The following MYO10 variants were observed in gnomAD, a reference collection of about 807,000 sequenced individuals.
The protein encoded by MYO10 is myosin X.
Under a neutral mutation model 257.3 loss-of-function variants are expected in MYO10, and 133 were observed. The observed-to-expected ratio is 0.52, with a 90% CI of 0.45 to 0.60. The LOEUF (loss-of-function observed/expected upper bound fraction) is 0.60. Ranked by LOEUF, MYO10 falls within the 20% of genes least tolerant of loss-of-function variation. The pLI, the probability that MYO10 is intolerant of heterozygous loss-of-function variation, is 0.00. For missense variants in MYO10, 2,399 were observed against 2,635.7 expected (o/e 0.91, Z 1.97); for synonymous variants, 1,104 against 1,028.6 (o/e 1.07, Z -1.40).
intron 4 of MYO10, among the ~76,000 whole-genome samples, chr5:16,792,973 C>G (rs1180187216): frequency 6.6e-6 from 1 of 152,056 alleles, no homozygotes; most frequent in Non-Finnish European, 1.5e-5. Flanking sequence ...TATAATTATT[C>G]TGAGGACGAG....
Position 16,670,966 on chromosome 5 carries a change from C to T in MYO10, c.5443G>A (p.Val1815Ile). 1 of 1,609,156 alleles carries T rather than the reference C, an allele frequency of 6.2e-7. No individual in the cohort carries two copies. The highest frequency in any genetic ancestry group is 8.5e-7 in the Non-Finnish European group (1 of 1,176,122). ...AFMFEQAHEA[V>I]IHGHHPAPEE... ...GGGGCTGGATGGTGGCCATGGATAACCGCTTCGTGGGCCTGAAAGGAGACA... is the reference window on the plus strand; with the variant it reads ...GGGGCTGGATGGTGGCCATGGATAATCGCTTCGTGGGCCTGAAAGGAGACA... The change falls in exon 39 of 41, where the codon GTT becomes ATT. Residue 1815 changes from valine (V) to isoleucine (I), a missense_variant. Around this residue, in one of 3 missense-constraint regions of MYO10, gnomAD observed 1,820 missense variants for 1,939.4 expected, o/e 0.94. Coordinates refer to ENST00000513610, the MANE Select transcript of MYO10 (RefSeq NM_012334.3).
intron 1 of MYO10, among the ~76,000 whole-genome samples, chr5:16,921,569 T>C (rs76627357): frequency 9.3e-5 from 14 of 150,182 alleles, no homozygotes; most frequent in African/African-American, 3.4e-4. Flanking sequence ...CATTTACTAC[T>C]GTGAAAGGCC....
In MYO10 at chr5:16,796,442, CAG is replaced by C. The variant is rs1553997257; in HGVS notation, c.280-1611_280-1610del. Among the ~76,000 whole-genome samples the C allele has an allele frequency of 4.1e-5, 5 of 120,816 alleles. 1 individual carries two copies. In the East Asian group the frequency reaches 8.0e-4, roughly 19 times the overall value. The allele number at this position is 120,816 out of a possible 152,430, so 79.3% of individuals were successfully genotyped here. On this transcript the variant is annotated intron_variant, in intron 3 of 40. Coordinates refer to ENST00000513610, the MANE Select transcript of MYO10 (RefSeq NM_012334.3). ...AAAGGAAAAAGAAAGAAAAGAAAGA[CAG>C]AAAGAAAGAAAGAAAGAAAGAAAGA...
In MYO10 at chr5:16,811,463, C is replaced by T. The variant is rs7733724; in HGVS notation, c.279+6546G>A. Among the ~76,000 whole-genome samples the T allele has an allele frequency of 1.3e-3, 201 of 152,312 alleles. 2 individuals carry two copies. The highest frequency in any genetic ancestry group is 4.5e-3 in the African/African-American group (189 of 41,564). On this transcript the variant is annotated intron_variant, in intron 3 of 40. Coordinates refer to ENST00000513610, the MANE Select transcript of MYO10 (RefSeq NM_012334.3). Reference sequence around the variant, plus strand: ...TTCCATGAGCAAAGACAGCCTTCTCCCGCTGCGATGAGGCCGCATCAAGCT... The same window carrying T: ...TTCCATGAGCAAAGACAGCCTTCTCTCGCTGCGATGAGGCCGCATCAAGCT...
chr5:16,674,417 C>T (rs1736624613), intron 35 of MYO10, among the ~76,000 whole-genome samples: 1 of 152,094 alleles, frequency 6.6e-6, no homozygotes, highest in East Asian at 1.9e-4. Flanking sequence ...TGCAATGAGC[C>T]GAGATCATGC....
chr5:16,725,749 T>C (rs550786311), intron 19 of MYO10, among the ~76,000 whole-genome samples: 1 of 151,452 alleles, frequency 6.6e-6, no homozygotes, highest in South Asian at 2.1e-4. Flanking sequence ...AGTCATATCA[T>C]ACAGCAATTA....
chr5:16,848,777 T>C (rs1011185674), intron 2 of MYO10, among the ~76,000 whole-genome samples: 9 of 151,908 alleles, frequency 5.9e-5, no homozygotes, highest in South Asian at 2.1e-4. Flanking sequence ...GTGGCTATAA[T>C]TGGAAACACT....
intron 1 of MYO10, among the ~76,000 whole-genome samples, chr5:16,923,446 C>T (rs1361828841): frequency 6.6e-6 from 1 of 151,858 alleles, no homozygotes; most frequent in Non-Finnish European, 1.5e-5. Context: ...ACCACCACGC[C>T]CGGCTAATTT....
At chr5:16,792,178 CAGACAG>C (rs141771770) in intron 4 of MYO10, among the ~76,000 whole-genome samples, 20,682 of 144,756 alleles carry the variant, frequency 0.14, 1,717 homozygotes, top group South Asian at 0.27. Context: ...GAGACAGAGA[CAGACAG>C]AGACAGAGAC....
At chr5:16,895,803 C>T (rs547730762) in intron 1 of MYO10, among the ~76,000 whole-genome samples, 1 of 147,572 alleles carries the variant, frequency 6.8e-6, no homozygotes, top group Non-Finnish European at 1.5e-5. Context: ...CACACACACA[C>T]TCTGCCACCT....
intron 4 of MYO10, among the ~76,000 whole-genome samples, chr5:16,792,583 C>CA (rs1741799276): frequency 7.1e-6 from 1 of 140,654 alleles, no homozygotes; most frequent in Non-Finnish European, 1.5e-5. Flanking sequence ...CCCACAGGAG[C>CA]GGGGGGCGGG....
Position 16,662,853 on chromosome 5 carries a change from C to A in MYO10, c.*3839G>T, listed in dbSNP as rs1228077310. On this transcript the variant is annotated 3_prime_UTR_variant, in exon 41 of 41. Coordinates refer to ENST00000513610, the MANE Select transcript of MYO10 (RefSeq NM_012334.3). ...AGTTCCCCTGTGCAAGCTCTCTTGC[C>A]TGCTGCCATATAAGATGTGCCTTTT... The A allele has an allele frequency of 6.6e-6, 1 of 152,160 alleles. No homozygotes were observed. The highest frequency in any genetic ancestry group is 1.5e-5 in the Non-Finnish European group (1 of 68,046). The allele number at this position is 152,160 out of a possible 1,614,324, so 9.4% of individuals were successfully genotyped here. A position where few individuals can be genotyped will look rare whatever the true frequency, so the allele number is the denominator to read the frequency against.
chr5:16,754,745 G>A lies in MYO10; in HGVS notation c.1929+83C>T, dbSNP rs188102898. Reference sequence around the variant, plus strand: ...AACCATCTACAATGAAAGGACTTTGGAGAAACCAAATCTGTGAGTAACCAC... The same window carrying A: ...AACCATCTACAATGAAAGGACTTTGAAGAAACCAAATCTGTGAGTAACCAC... On this transcript the variant is annotated intron_variant, in intron 19 of 40. Coordinates refer to ENST00000513610, the MANE Select transcript of MYO10 (RefSeq NM_012334.3). 5.2e-4 allele frequency: 517 copies of A among 991,264 alleles called. 1 individual carries two copies. The African/African-American group carries it at 7.7e-3, about 15-fold the overall frequency. The allele number at this position is 991,264 out of a possible 1,614,324, so 61.4% of individuals were successfully genotyped here.
At chr5:16,818,920 G>C (rs1391261571) in intron 2 of MYO10, among the ~76,000 whole-genome samples, 6 of 152,034 alleles carry the variant, frequency 3.9e-5, no homozygotes, top group Admixed American at 3.3e-4. Flanking sequence ...AACTTTCTAA[G>C]TTTTAGAAAG....
At chr5:16,719,611 A>G (rs571198330) in intron 19 of MYO10, among the ~76,000 whole-genome samples, 6 of 152,316 alleles carry the variant, frequency 3.9e-5, no homozygotes, top group Non-Finnish European at 5.9e-5. Flanking sequence ...TAAAACTTTC[A>G]TGTGATCACA....
intron 2 of MYO10, among the ~76,000 whole-genome samples, chr5:16,824,792 G>A (rs935204044): frequency 1.6e-4 from 24 of 151,998 alleles, no homozygotes; most frequent in Non-Finnish European, 2.2e-4. Flanking sequence ...GCTTGAACCC[G>A]GGAGGCGGAG....
intron 18 of MYO10, among the ~76,000 whole-genome samples, chr5:16,755,203 T>A (rs576795287): frequency 5.5e-4 from 84 of 152,354 alleles, no homozygotes; most frequent in Middle Eastern, 3.4e-3. Flanking sequence ...TCTCGCTCTA[T>A]CACCCAGGCT....
At chr5:16,819,298 G>A (rs1239659913) in intron 2 of MYO10, among the ~76,000 whole-genome samples, 1 of 152,108 alleles carries the variant, frequency 6.6e-6, no homozygotes, top group Non-Finnish European at 1.5e-5. Flanking sequence ...GGTGACTCTG[G>A]TACCGTCAGA....
At chr5:16,921,460 C>T (rs1745978324) in intron 1 of MYO10, among the ~76,000 whole-genome samples, 1 of 152,014 alleles carries the variant, frequency 6.6e-6, no homozygotes, top group South Asian at 2.1e-4. Flanking sequence ...ACACATGACT[C>T]AGACAGTAAA....
Sources: gnomAD v4.1 joint callset for allele counts (sites outside exome capture counted in the v4.1 genomes callset) on GRCh38, gnomAD v4.1.1 for gene constraint, gnomAD v4.1.1 regional missense constraint, MANE v1.5 for transcripts, NCBI Gene and HGNC (gene_info 2026-07-23, HGNC 2026-07-21) for gene names.